UPK3A: variants seen among roughly 807,000 people sequenced by gnomAD.
The protein encoded by UPK3A is uroplakin-3a.
Under a neutral mutation model 27.6 loss-of-function variants are expected in UPK3A, and 32 were observed. That is an observed-to-expected ratio of 1.16 (90% CI 0.87 to 1.55). The LOEUF (loss-of-function observed/expected upper bound fraction) is 1.55, where lower values mean the gene tolerates loss of function less well. Among genes scored for constraint, UPK3A ranks in the 40% most tolerant of loss-of-function variants. The pLI is 0.00. For missense variants in UPK3A, 370 were observed against 367.9 expected (o/e 1.01, Z -0.05); for synonymous variants, 171 against 163.9 (o/e 1.04, Z -0.33).
intron 4 of UPK3A, among the ~76,000 whole-genome samples, chr22:45,292,797 G>A (rs2084170377): frequency 1.3e-5 from 2 of 151,698 alleles, no homozygotes; most frequent in Non-Finnish European, 2.9e-5. Flanking sequence ...AGTCCCGGCT[G>A]CTTGGGAGGC....
At chr22:45,295,477 G>A (rs2084188546) in intron 5 of UPK3A, 83 bp from the exon 6 acceptor site, 1 of 1,432,946 alleles carries the variant, frequency 7.0e-7, no homozygotes, top group Non-Finnish European at 9.8e-7. Context: ...AGCTATGTCT[G>A]AGTATGAAGG....
intron 4 of UPK3A, among the ~76,000 whole-genome samples, chr22:45,290,888 G>A (rs1308928861): frequency 2.0e-5 from 3 of 152,266 alleles, no homozygotes; most frequent in South Asian, 2.1e-4. Context: ...TGCTCCTCAC[G>A]AGAATCTCAT....
intron 4 of UPK3A, among the ~76,000 whole-genome samples, chr22:45,292,384 G>A (rs917225949): frequency 1.3e-5 from 2 of 152,142 alleles, no homozygotes; most frequent in African/African-American, 4.8e-5. Context: ...TGCAGAATGG[G>A]GTCTCCAGGG....
rs187893553 is a variant in UPK3A at position 45,287,031 on chromosome 22, C to T, written c.209-141C>T. On this transcript the variant is annotated intron_variant, in intron 2 of 5. Transcript: ENST00000216211. ...CCACATTGCACTGAGAGGGCAGAGA[C>T]TAAGTTTGCCCCATGCCTGTGATGC... The T allele has an allele frequency of 9.2e-5, 116 of 1,260,590 alleles. No individual in the cohort carries two copies. In the Admixed American group the frequency reaches 1.2e-3, roughly 13 times the overall value. 78.1% of individuals were successfully genotyped at this position (1,260,590 alleles called of 1,614,324 possible). A position where few individuals can be genotyped will look rare whatever the true frequency, so the allele number is the denominator to read the frequency against.
intron 3 of UPK3A, 148 bp from the exon 4 acceptor site, chr22:45,288,913 C>T: frequency 2.6e-6 from 2 of 757,968 alleles, no homozygotes; most frequent in Admixed American, 2.0e-5. Context: ...TGCCCAGAGC[C>T]CGCTCAGTAG....
chr22:45,291,507 AGT>A (rs1290757836), intron 4 of UPK3A, among the ~76,000 whole-genome samples: 18 of 136,106 alleles, frequency 1.3e-4, no homozygotes, highest in African/African-American at 3.7e-4. Flanking sequence ...TGAGTGTGAG[AGT>A]GTGTGTGTGA....
chr22:45,289,274 C>G (rs2084142382), intron 4 of UPK3A, 131 bp downstream of exon 4: 3 of 859,340 alleles, frequency 3.5e-6, no homozygotes, highest in Non-Finnish European at 5.5e-6. Context: ...GAGTAAAATG[C>G]TCCTTAAAGC....
At position 45,286,090 on chromosome 22, in the gene UPK3A, G is replaced by A. The variant is rs145186308; in HGVS notation, c.202G>A (p.Asp68Asn). ...CGAGGTCTACCTGTATGTCCTGGTC[G>A]ACTCAGGTAAGGGTCCTGCTTCCCT... ...THEVYLYVLV[D>N]SAISRNASVQ... The change falls in exon 2 of 6, where the codon GAC (aspartate) becomes AAC (asparagine). Residue 68 changes from aspartate to asparagine, a missense_variant. Asp to Asn is a conservative substitution (Grantham distance 23). Transcript: ENST00000216211. 8.6e-4 allele frequency: 1,389 copies of A among 1,614,110 alleles called. 2 individuals are homozygous for A. Among genetic ancestry groups the A allele is most frequent in the South Asian group, 1.2e-3 (108 of 91,064 alleles).
intron 5 of UPK3A, among the ~76,000 whole-genome samples, chr22:45,293,749 A>G (rs1320083903): frequency 6.6e-6 from 1 of 152,150 alleles, no homozygotes; most frequent in African/African-American, 2.4e-5. Flanking sequence ...GGAACTCAAC[A>G]AGCATTTGCT....
chr22:45,293,378 G>A, intron 5 of UPK3A, 65 bp downstream of exon 5: 1 of 1,603,826 alleles, frequency 6.2e-7, no homozygotes, highest in Non-Finnish European at 8.5e-7. Context: ...GGCTCACAGG[G>A]ACTCAGCAGT....
Position 45,295,728 on chromosome 22 carries a change from C to T in UPK3A, c.*9C>T. The T allele has an allele frequency of 1.2e-6, 2 of 1,613,648 alleles. No homozygotes were observed. The highest frequency in any genetic ancestry group is 1.7e-6 in the Non-Finnish European group (2 of 1,179,988). Reference sequence around the variant, plus strand: ...GCAAGCTCCAAGACTGAGCCCAGCACCACCCCTGGGCAGCAGCATCCTCCT... The same window carrying T: ...GCAAGCTCCAAGACTGAGCCCAGCATCACCCCTGGGCAGCAGCATCCTCCT... On this transcript the variant is annotated 3_prime_UTR_variant, in exon 6 of 6. Coordinates refer to ENST00000216211, the MANE Select transcript of UPK3A (RefSeq NM_006953.4).
intron 4 of UPK3A, among the ~76,000 whole-genome samples, chr22:45,289,498 A>G (rs529952402): frequency 1.1e-4 from 17 of 151,266 alleles, no homozygotes; most frequent in Non-Finnish European, 2.5e-4. Flanking sequence ...GAATAGCGTG[A>G]ACCCGGGAGG....
At position 45,295,698 on chromosome 22, in the gene UPK3A, T is replaced by C; in HGVS notation, c.843T>C (p.Tyr281=). Residue 281 remains tyrosine, a synonymous_variant, in exon 6 of 6, where the codon TAT becomes TAC. Transcript: ENST00000216211. The part of the protein sequence containing the change: ...RGPPLDRAEV[Y]SSKLQD ...CGCCACTGGACAGGGCTGAGGTGTA[T>C]TCCAGCAAGCTCCAAGACTGAGCCC... The C allele has an allele frequency of 6.2e-7, 1 of 1,613,892 alleles. No homozygotes were observed. The highest frequency in any genetic ancestry group is 1.3e-5 in the African/African-American group (1 of 74,952).
intron 5 of UPK3A, among the ~76,000 whole-genome samples, chr22:45,295,016 T>A (rs141091810): frequency 1.3e-5 from 2 of 151,502 alleles, no homozygotes; most frequent in Non-Finnish European, 2.9e-5. Flanking sequence ...CAGGCGACCA[T>A]CACCATGCCC....
chr22:45,293,998 C>G lies in UPK3A; in HGVS notation c.704+685C>G, dbSNP rs2013661. Among the ~76,000 whole-genome samples the G allele has an allele frequency of 6.0e-3, 917 of 152,150 alleles. 20 individuals are homozygous for G. Among genetic ancestry groups the G allele is most frequent in the East Asian group, 0.037 (192 of 5,140 alleles). ...CTGTGGGTGGGAAAGACAGGTGAAC[C>G]CACAGTCCACTAGCCCCTGGGAAGA... On this transcript the variant is annotated intron_variant, in intron 5 of 5. Coordinates refer to ENST00000216211, the MANE Select transcript of UPK3A (RefSeq NM_006953.4).
intron 4 of UPK3A, among the ~76,000 whole-genome samples, chr22:45,292,127 G>A (rs1044478666): frequency 1.3e-5 from 2 of 152,196 alleles, no homozygotes; most frequent in Non-Finnish European, 1.5e-5. Context: ...CCCTCACTGC[G>A]GTGTGAGCCG....
chr22:45,293,052 GC>G, intron 4 of UPK3A, 128 bp from the exon 5 acceptor site: 2 of 1,353,044 alleles, frequency 1.5e-6, no homozygotes, highest in Non-Finnish European at 2.0e-6. Flanking sequence ...GAGAGAAGTC[GC>G]CCCACTGGGT....
chr22:45,289,589 A>AAAAAG (rs2084145440), intron 4 of UPK3A, among the ~76,000 whole-genome samples: 1 of 150,660 alleles, frequency 6.6e-6, no homozygotes. Flanking sequence ...AAAAAAAAAA[A>AAAAAG]AAAAGAAAAA....
Position 45,293,247 on chromosome 22 carries a change from C to T in UPK3A, c.638C>T (p.Ser213Phe), listed in dbSNP as rs2084173975. The change falls in exon 5 of 6, where the codon TCC (serine) becomes TTC (phenylalanine). Residue 213 changes from serine (S) to phenylalanine (F), a missense_variant. Transcript: ENST00000216211. ...RRSGGMIVIT[S>F]ILGSLPFFLL... ...AGCGGAGGCATGATCGTCATCACTT[C>T]CATCCTGGGCTCCCTGCCCTTCTTT... 6.2e-7 allele frequency: 1 copy of T among 1,614,182 alleles called. No individual in the cohort carries two copies. The highest frequency in any genetic ancestry group is 1.1e-5 in the South Asian group (1 of 91,088).
Sources: gnomAD v4.1 joint callset for allele counts (sites outside exome capture counted in the v4.1 genomes callset) on GRCh38, gnomAD v4.1.1 for gene constraint, MANE v1.5 for transcripts, NCBI Gene and HGNC (gene_info 2026-07-23, HGNC 2026-07-21) for gene names.